Variants in PCDHGA1 observed in about 807,000 individuals in gnomAD.
PCDHGA1 encodes the protein protocadherin gamma subfamily A, 1.
A neutral mutation model predicts 58.0 loss-of-function variants in PCDHGA1; 32 were observed. That is an observed-to-expected ratio of 0.55 (90% CI 0.42 to 0.74). PCDHGA1 has a LOEUF of 0.74. Among genes scored for constraint, PCDHGA1 ranks in the 30% least tolerant of loss-of-function variants. PCDHGA1 has a pLI of 0.00. For missense variants in PCDHGA1, 1,205 were observed against 1,182.3 expected, an observed-to-expected ratio of 1.02 and a Z score of -0.28; for synonymous variants, 498 against 501.1, an observed-to-expected ratio of 0.99 and a Z score of 0.08.
At chr5:141,492,091 C>A (rs930375969) in intron 1 of PCDHGA1, among the ~76,000 whole-genome samples, 1 of 152,242 alleles carries the variant, frequency 6.6e-6, no homozygotes, top group South Asian at 2.1e-4. Flanking sequence ...CACGCTTCGC[C>A]GGTCTGTAGA....
At chr5:141,399,129 A>G (rs1280077247) in intron 1 of PCDHGA1, 2 of 1,613,848 alleles carry the variant, frequency 1.2e-6, no homozygotes, top group Non-Finnish European at 8.5e-7. Context: ...TTAATATTCA[A>G]GATGAAAATG....
At chr5:141,410,636 T>G (rs1050547360) in intron 1 of PCDHGA1, 1 of 1,599,982 alleles carries the variant, frequency 6.3e-7, no homozygotes, top group Admixed American at 1.7e-5. Context: ...TTTCTCTTTT[T>G]TGTGTGTGAT....
chr5:141,487,451 A>G lies in PCDHGA1; in HGVS notation c.2422-7356A>G. 6.2e-7 allele frequency: 1 copy of G among 1,614,122 alleles called. No homozygotes were observed. Among genetic ancestry groups the G allele is most frequent in the Non-Finnish European group, 8.5e-7 (1 of 1,180,006 alleles). On this transcript the variant is annotated intron_variant, in intron 1 of 3. Transcript: ENST00000517417. This position sits in a 1 kb window ranked among gnomAD's most constrained non-coding sequence, Gnocchi z 5.0. ...AATCCAGCTAGGGTCAGATGACCCT[A>G]TCAAGTTTGTTGATGTGGGAGGCCA...
chr5:141,432,133 C>G lies in PCDHGA1; in HGVS notation c.2422-62674C>G. ...CGGTCTTCCCTCAGGCCTCCTATTC[C>G]GCTTATATCCCAGAGAACAATCCCA... On this transcript the variant is annotated intron_variant, in intron 1 of 3. Transcript: ENST00000517417. The surrounding 1 kb of genome is among the most constrained non-coding windows in gnomAD (Gnocchi z 6.0). 1 of 1,614,142 alleles carries G rather than the reference C, an allele frequency of 6.2e-7. No homozygotes were observed. The highest frequency in any genetic ancestry group is 1.1e-5 in the South Asian group (1 of 91,070).
chr5:141,474,654 T>C (rs2099352669), intron 1 of PCDHGA1, among the ~76,000 whole-genome samples: 1 of 152,250 alleles, frequency 6.6e-6, no homozygotes, highest in African/African-American at 2.4e-5. Context: ...CTTACTTCTT[T>C]TCTACCTACC....
chr5:141,454,832 G>A (rs1311246854), intron 1 of PCDHGA1, among the ~76,000 whole-genome samples: 2 of 75,830 alleles, frequency 2.6e-5, no homozygotes, highest in African/African-American at 1.3e-4. Context: ...TTTTGAGACA[G>A]AGTCGCGCTC....
At chr5:141,397,843 C>A (rs1200465582) in intron 1 of PCDHGA1, 7 of 522,606 alleles carry the variant, frequency 1.3e-5, no homozygotes, top group Non-Finnish European at 2.0e-5. Context: ...CTTGAAGCCG[C>A]AGAGGCTGTA....
intron 1 of PCDHGA1, chr5:141,421,453 T>G: frequency 1.2e-6 from 2 of 1,614,102 alleles, no homozygotes; most frequent in Middle Eastern, 1.6e-4. Context: ...GACACAGCTT[T>G]TCGCTGTGAA....
intron 3 of PCDHGA1, chr5:141,506,958 A>C (rs529190059): frequency 1.6e-3 from 239 of 152,280 alleles, no homozygotes; most frequent in African/African-American, 5.5e-3. Flanking sequence ...GAATCCTCTC[A>C]ATAGCTCTGC....
At chr5:141,390,560 T>C (rs531396970) in intron 1 of PCDHGA1, 1 of 443,156 alleles carries the variant, frequency 2.3e-6, no homozygotes, top group East Asian at 4.1e-5. Context: ...GTTAGACAGT[T>C]GTTGGCTCTC....
intron 1 of PCDHGA1, chr5:141,345,215 A>T: frequency 6.2e-7 from 1 of 1,614,020 alleles, no homozygotes; most frequent in Non-Finnish European, 8.5e-7. Context: ...CATTTAAGTT[A>T]GAAAAATCAA....
intron 1 of PCDHGA1, chr5:141,393,333 C>G: frequency 6.3e-7 from 1 of 1,582,250 alleles, no homozygotes; most frequent in Non-Finnish European, 8.6e-7. Context: ...CCAGCTCAGC[C>G]CCAATCACCA....
intron 1 of PCDHGA1, chr5:141,409,468 C>T (rs1256188577): frequency 1.9e-6 from 3 of 1,613,948 alleles, no homozygotes; most frequent in Admixed American, 1.7e-5. Flanking sequence ...ATGTCACCAT[C>T]GTAGCCACTG....
At position 141,477,539 on chromosome 5, in the gene PCDHGA1, C is replaced by G; in HGVS notation, c.2422-17268C>G. 2 of 1,614,172 alleles carry G rather than the reference C, an allele frequency of 1.2e-6. No individual in the cohort carries two copies. The highest frequency in any genetic ancestry group is 1.7e-6 in the Non-Finnish European group (2 of 1,180,030). On this transcript the variant is annotated intron_variant, in intron 1 of 3. Transcript: ENST00000517417. The surrounding 1 kb of genome is among the most constrained non-coding windows in gnomAD (Gnocchi z 4.9). ...TGAAGAAAACAACCTCCCCGGGGCT[C>G]CAATACTAAACCTAAGTGTCTGGGA...
At chr5:141,426,925 A>G in intron 1 of PCDHGA1, 1 of 456,756 alleles carries the variant, frequency 2.2e-6, no homozygotes, top group Non-Finnish European at 4.4e-6. Flanking sequence ...GAAGCAATGG[A>G]CATGGGTGAC....
intron 1 of PCDHGA1, chr5:141,352,504 C>A: frequency 6.2e-7 from 1 of 1,614,056 alleles, no homozygotes; most frequent in Non-Finnish European, 8.5e-7. Flanking sequence ...CCTATTCCTA[C>A]AATCTATGTA....
Position 141,387,312 on chromosome 5 carries a change from G to A in PCDHGA1, c.2421+54207G>A, listed in dbSNP as rs576543135. Reference sequence around the variant, plus strand: ...AAAATGTATCCAGTATATTTCTAATGAGTAAGTATGGAAAATTACTGTACT... The same window carrying A: ...AAAATGTATCCAGTATATTTCTAATAAGTAAGTATGGAAAATTACTGTACT... On this transcript the variant is annotated intron_variant, in intron 1 of 3. Transcript: ENST00000517417. Among the ~76,000 whole-genome samples, 3 of 152,338 alleles carry A rather than the reference G, an allele frequency of 2.0e-5. No homozygotes were observed. The East Asian group carries it at 5.8e-4, about 29-fold the overall frequency.
chr5:141,356,203 G>A (rs1454984060), intron 1 of PCDHGA1: 2 of 1,607,564 alleles, frequency 1.2e-6, no homozygotes, highest in Non-Finnish European at 1.7e-6. Flanking sequence ...CAAGGTACTG[G>A]TGACAGTTCT....
chr5:141,375,231 C>A, intron 1 of PCDHGA1: 1 of 1,613,964 alleles, frequency 6.2e-7, no homozygotes. Context: ...GGCCTGGTAA[C>A]CTGTTCCATC....
Sources: gnomAD v4.1 joint callset for allele counts (sites outside exome capture counted in the v4.1 genomes callset) on GRCh38, gnomAD v4.1.1 for gene constraint, Gnocchi (gnomAD v3.1) non-coding constraint, MANE v1.5 for transcripts, NCBI Gene and HGNC (gene_info 2026-07-23, HGNC 2026-07-21) for gene names.